Variants in KANSL1 observed in about 807,000 individuals in gnomAD.
The protein encoded by KANSL1 is MLL1/MLL complex subunit KANSL1.
Under a neutral mutation model 103.6 loss-of-function variants are expected in KANSL1, and 22 were observed. The observed-to-expected ratio is 0.21, with a 90% confidence interval of 0.15 to 0.30. The LOEUF is 0.30. Ranked by LOEUF, KANSL1 falls within the 10% of genes least tolerant of loss-of-function variation. KANSL1 has a pLI of 1.00. For missense variants in KANSL1, 1,337 were observed against 1,399.8 expected, an observed-to-expected ratio of 0.96 and a Z score of 0.72; for synonymous variants, 600 against 527.6, an observed-to-expected ratio of 1.14 and a Z score of -1.88.
At chr17:46,213,467 ATTTTTT>A (rs748428844) in intron 1 of KANSL1, among the ~76,000 whole-genome samples, 1 of 136,414 alleles carries the variant, frequency 7.3e-6, no homozygotes, top group African/African-American at 2.7e-5. Context: ...CGCCCGGCTA[ATTTTTT>A]TTTTTTTTTT....
chr17:46,205,679 T>TAA (rs75127387), intron 1 of KANSL1, among the ~76,000 whole-genome samples: 1 of 75,850 alleles, frequency 1.3e-5, no homozygotes, highest in African/African-American at 4.4e-5. Context: ...AGACACTGTC[T>TAA]CAAAAAAAAA....
chr17:46,172,831 A>G (rs1294157805), intron 1 of KANSL1, among the ~76,000 whole-genome samples: 2 of 152,342 alleles, frequency 1.3e-5, no homozygotes, highest in South Asian at 4.1e-4. Context: ...GTGGTCATCA[A>G]TATCTTCTCT....
intron 9 of KANSL1, 21 bp downstream of exon 9, chr17:46,039,006 G>C (rs1410595079): frequency 3.1e-6 from 5 of 1,599,646 alleles, no homozygotes; most frequent in Non-Finnish European, 4.2e-6. Context: ...GCAGGTAGAG[G>C]TGCCATGGGC....
chr17:46,154,482 C>T (rs1237037969), intron 2 of KANSL1, among the ~76,000 whole-genome samples: 1 of 152,196 alleles, frequency 6.6e-6, no homozygotes, highest in Admixed American at 6.5e-5. Flanking sequence ...GGCGTCACCA[C>T]GTTGCCCAGG....
rs1370665611 is a variant in KANSL1 at position 46,097,516 on chromosome 17, G to T, written c.1290-2815C>A. On this transcript the variant is annotated intron_variant, in intron 2 of 14. Coordinates refer to ENST00000432791, the MANE Select transcript of KANSL1 (RefSeq NM_015443.4). Reference sequence around the variant, plus strand: ...CAAGCTCCTCATTATCTCTGGAAAGGGGATGGAGAAGTTGGATTTTAGCTC... The same window carrying T: ...CAAGCTCCTCATTATCTCTGGAAAGTGGATGGAGAAGTTGGATTTTAGCTC... Among the ~76,000 whole-genome samples, 3 of 152,098 alleles carry T rather than the reference G, an allele frequency of 2.0e-5. No homozygotes were observed. The East Asian group carries it at 5.8e-4, about 29-fold the overall frequency.
intron 1 of KANSL1, among the ~76,000 whole-genome samples, chr17:46,177,540 T>C (rs1299363826): frequency 2.0e-5 from 3 of 152,202 alleles, no homozygotes; most frequent in African/African-American, 7.2e-5. Context: ...TTTACTAACA[T>C]AGAAAAGTGC....
chr17:46,109,964 G>GGAC (rs2042733161), intron 2 of KANSL1, among the ~76,000 whole-genome samples: 1 of 152,240 alleles, frequency 6.6e-6, no homozygotes, highest in Non-Finnish European at 1.5e-5. Context: ...GGGTGAGAGG[G>GGAC]TGACTAGGGA....
chr17:46,101,565 CAT>C (rs955790311), intron 2 of KANSL1, among the ~76,000 whole-genome samples: 2 of 151,932 alleles, frequency 1.3e-5, no homozygotes, highest in African/African-American at 4.8e-5. Context: ...GCCTGACTAA[CAT>C]AGTGAAACCC....
chr17:46,220,219 AT>A (rs113260952), intron 1 of KANSL1, among the ~76,000 whole-genome samples: 171 of 145,864 alleles, frequency 1.2e-3, no homozygotes, highest in East Asian at 1.4e-3. Context: ...GTTCTTTAAA[AT>A]TTTTTTTTTT....
intron 7 of KANSL1, 162 bp from the exon 8 acceptor site, chr17:46,040,046 ATTC>A (rs2077266704): frequency 9.1e-6 from 5 of 551,570 alleles, no homozygotes; most frequent in Middle Eastern, 3.7e-4. Context: ...ACTGAAGGTC[ATTC>A]TTCTATTTGC....
At chr17:46,078,483 AG>A (rs1430554237) in intron 4 of KANSL1, among the ~76,000 whole-genome samples, 1 of 152,082 alleles carries the variant, frequency 6.6e-6, no homozygotes, top group East Asian at 1.9e-4. Flanking sequence ...CATCTCCCAT[AG>A]CTCCCTCTTT....
intron 1 of KANSL1, among the ~76,000 whole-genome samples, chr17:46,183,502 T>C (rs1159834942): frequency 2.6e-5 from 4 of 151,752 alleles, no homozygotes; most frequent in Non-Finnish European, 5.9e-5. Context: ...ATCACGCCAC[T>C]GCACTCCAGC....
upstream of KANSL1, chr17:46,196,078 C>CAA (rs141499662): frequency 9.9e-6 from 3 of 301,930 alleles, no homozygotes; most frequent in Middle Eastern, 1.3e-3. Context: ...CCTATCTCTA[C>CAA]AAACAAAATT....
At chr17:46,169,258 C>T (rs2532276) in intron 2 of KANSL1, among the ~76,000 whole-genome samples, 9 of 152,144 alleles carry the variant, frequency 5.9e-5, no homozygotes, top group East Asian at 3.9e-4. Context: ...AGATGGGTTA[C>T]GGAAGAAGCA....
intron 1 of KANSL1, among the ~76,000 whole-genome samples, chr17:46,203,828 C>T (rs1405646298): frequency 6.6e-6 from 1 of 152,228 alleles, no homozygotes; most frequent in Non-Finnish European, 1.5e-5. Context: ...CAGTAAGGAT[C>T]TAAAGTTCTA....
At position 46,216,594 on chromosome 17, in the gene KANSL1, G is replaced by A. The variant is rs903851079; in HGVS notation, c.-90+7077C>T. 2.7e-3 allele frequency among the ~76,000 whole-genome samples: 277 copies of A among 101,390 alleles called. 1 individual carries two copies. The highest frequency in any genetic ancestry group is 7.8e-3 in the African/African-American group (257 of 32,858). The allele number at this position is 101,390 out of a possible 152,430, so 66.5% of individuals were successfully genotyped here. On this transcript the variant is annotated intron_variant, in intron 1 of 14. Transcript: ENST00000572904. ...AGCCTGGGCAAAAGAGCAAGACTCC[G>A]TCTCAAAAAAAAAAAAAAAAAAGTT...
At chr17:46,061,959 G>C (rs1160889356) in intron 6 of KANSL1, among the ~76,000 whole-genome samples, 1 of 151,822 alleles carries the variant, frequency 6.6e-6, no homozygotes, top group African/African-American at 2.4e-5. Flanking sequence ...AGGCGTCGTC[G>C]TGGGTGCCTG....
At chr17:46,180,970 A>AGTTGG (rs1336095489) in intron 1 of KANSL1, among the ~76,000 whole-genome samples, 1 of 152,198 alleles carries the variant, frequency 6.6e-6, no homozygotes, top group African/African-American at 2.4e-5. Context: ...TAGAGAGATC[A>AGTTGG]GTTGGGTAGG....
At chr17:46,127,072 A>G (rs1331372093) in intron 2 of KANSL1, among the ~76,000 whole-genome samples, 2 of 152,214 alleles carry the variant, frequency 1.3e-5, no homozygotes, top group Non-Finnish European at 2.9e-5. Context: ...GACATGGGGG[A>G]TTATGGAAGC....
Sources: allele counts gnomAD v4.1 joint callset (sites outside exome capture counted in the v4.1 genomes callset), GRCh38; gene constraint gnomAD v4.1.1; transcripts MANE v1.5; gene names NCBI Gene and HGNC (gene_info 2026-07-23, HGNC 2026-07-21).